Variants in NAV2 observed in about 807,000 individuals in gnomAD.
NAV2 encodes the protein helicase, APC down-regulated 1.
In NAV2, 54 loss-of-function variants were observed where a neutral mutation model predicts 223.2. The observed-to-expected ratio is 0.24, with a 90% confidence interval of 0.19 to 0.30. NAV2 has a LOEUF of 0.30. NAV2 is among the 10% of genes least tolerant of loss of function. The probability of loss-of-function intolerance (pLI) is 1.00; values close to 1 mark genes in which losing one functional copy is unlikely to be tolerated. For missense variants in NAV2, 2,806 were observed against 3,147.5 expected, an observed-to-expected ratio of 0.89 and a Z score of 2.60; for synonymous variants, 1,279 against 1,239.3, an observed-to-expected ratio of 1.03 and a Z score of -0.67.
intron 1 of NAV2, among the ~76,000 whole-genome samples, chr11:19,815,500 A>G (rs1419092859): frequency 6.6e-6 from 1 of 152,252 alleles, no homozygotes; most frequent in East Asian, 1.9e-4. Flanking sequence ...CACATCTTAT[A>G]TGCCTGCATG....
At chr11:19,869,340 G>A (rs911981312) in intron 4 of NAV2, among the ~76,000 whole-genome samples, 2 of 152,200 alleles carry the variant, frequency 1.3e-5, no homozygotes, top group Non-Finnish European at 2.9e-5. Context: ...GAGAGAGCAT[G>A]CTTCACCACA....
chr11:19,997,302 C>T (rs1223551499), intron 11 of NAV2, among the ~76,000 whole-genome samples: 1 of 152,124 alleles, frequency 6.6e-6, no homozygotes, highest in Non-Finnish European at 1.5e-5. Context: ...GGTGGGCCTC[C>T]AGGGCCCCTC....
At chr11:19,645,815 C>T (rs1188429330) in intron 1 of NAV2, among the ~76,000 whole-genome samples, 1 of 152,032 alleles carries the variant, frequency 6.6e-6, no homozygotes, top group Non-Finnish European at 1.5e-5. Context: ...TAATTATCAC[C>T]ACAACGCTGG....
chr11:19,680,225 C>T (rs180781781), intron 1 of NAV2, among the ~76,000 whole-genome samples: 2 of 152,218 alleles, frequency 1.3e-5, no homozygotes, highest in East Asian at 1.9e-4. Flanking sequence ...CATCCCCCAC[C>T]CCCCTCTTTA....
intron 5 of NAV2, among the ~76,000 whole-genome samples, chr11:19,889,772 A>T (rs1014262522): frequency 6.6e-6 from 1 of 152,210 alleles, no homozygotes; most frequent in Admixed American, 6.5e-5. Context: ...GAGCCCACAG[A>T]TACCCCAAGT....
chr11:19,418,346 A>C (rs1005522078), intron 1 of NAV2, among the ~76,000 whole-genome samples: 9 of 152,176 alleles, frequency 5.9e-5, no homozygotes, highest in Admixed American at 5.9e-4. Context: ...CTAGACACTG[A>C]GAGAAGAATT....
In NAV2 at chr11:19,948,780, C is replaced by T. The variant is rs769043651; in HGVS notation, c.2345C>T (p.Ser782Phe). The change falls in exon 10 of 38, where the codon TCC becomes TTC. Residue 782 changes from serine to phenylalanine, a missense_variant. By Grantham distance (155) the Ser-to-Phe change is radical (BLOSUM62 -2). Coordinates refer to ENST00000349880, the MANE Select transcript of NAV2 (RefSeq NM_145117.5). ...LSLTGRPTPL[S>F]WRLGQSSPRL... ...TTGACAGGGAGGCCCACACCTCTGT[C>T]CTGGAGACTGGGCCAGTCCAGCCCT... 1.2e-6 allele frequency: 2 copies of T among 1,613,938 alleles called. No individual in the cohort carries two copies. Among genetic ancestry groups the T allele is most frequent in the African/African-American group, 1.3e-5 (1 of 74,886 alleles).
chr11:19,907,524 T>TG (rs375268258), intron 6 of NAV2, among the ~76,000 whole-genome samples: 1,795 of 151,368 alleles, frequency 0.012, 30 homozygotes, highest in African/African-American at 0.041. Context: ...CTGCCACTCA[T>TG]AGGGGGAGGG....
chr11:19,862,788 G>A (rs2061867781), intron 3 of NAV2, among the ~76,000 whole-genome samples: 2 of 152,172 alleles, frequency 1.3e-5, no homozygotes, highest in Admixed American at 6.5e-5. Context: ...AAGAAGGTGG[G>A]TAAATCGTGC....
At chr11:19,739,700 G>A (rs986806311) in intron 1 of NAV2, among the ~76,000 whole-genome samples, 2 of 152,122 alleles carry the variant, frequency 1.3e-5, no homozygotes, top group African/African-American at 4.8e-5. Context: ...TGGCCCCTAT[G>A]GGAATTTGAG....
At chr11:19,693,019 C>A (rs536779969) in intron 1 of NAV2, among the ~76,000 whole-genome samples, 1 of 152,378 alleles carries the variant, frequency 6.6e-6, no homozygotes, top group African/African-American at 2.4e-5. Context: ...CTGACCAAGA[C>A]CTTCTCTCCA....
At chr11:19,452,879 C>T (rs1564947678) in intron 1 of NAV2, among the ~76,000 whole-genome samples, 1 of 152,132 alleles carries the variant, frequency 6.6e-6, no homozygotes, top group African/African-American at 2.4e-5. Context: ...TTCATAATAA[C>T]AATAAGATAG....
intron 26 of NAV2, among the ~76,000 whole-genome samples, chr11:20,085,467 TAC>T (rs1350411548): frequency 6.6e-6 from 1 of 152,156 alleles, no homozygotes; most frequent in Non-Finnish European, 1.5e-5. Flanking sequence ...AGTGCTGAGA[TAC>T]AGAGTACCTT....
Position 19,818,231 on chromosome 11 carries a change from ATTTT to A in NAV2, c.268-14225_268-14222del, listed in dbSNP as rs34649376. Among the ~76,000 whole-genome samples the A allele has an allele frequency of 7.0e-3, 394 of 55,994 alleles. 2 individuals are homozygous for A. The highest frequency in any genetic ancestry group is 0.044 in the Middle Eastern group (3 of 68). 36.7% of individuals were successfully genotyped at this position (55,994 alleles called of 152,430 possible). On this transcript the variant is annotated intron_variant, in intron 1 of 37. Transcript: ENST00000349880. ...CTGTCCCACCTGTGTGTATTTAGTG[ATTTT>A]TTTTTTTTTTTTTTTTTTTTTTTTT...
intron 1 of NAV2, among the ~76,000 whole-genome samples, chr11:19,532,577 C>T (rs1417376533): frequency 1.3e-5 from 2 of 152,060 alleles, no homozygotes; most frequent in African/African-American, 4.8e-5. Context: ...CATAAACGGC[C>T]ATGTATTATG....
At chr11:19,692,382 T>C (rs1028566085) in intron 1 of NAV2, among the ~76,000 whole-genome samples, 22 of 152,260 alleles carry the variant, frequency 1.4e-4, no homozygotes, top group African/African-American at 5.3e-4. Context: ...TTTTGCTTGC[T>C]TGTGTCTGGG....
At position 19,957,244 on chromosome 11, in the gene NAV2, G is replaced by A. The variant is rs527632550; in HGVS notation, c.2645+8164G>A. ...TCTAGGGTTCTTTTTGTGCCTCTCT[G>A]CTTCCCTCAGTGTCTACTTGCTGAC... On this transcript the variant is annotated intron_variant, in intron 10 of 37. Coordinates refer to ENST00000349880, the MANE Select transcript of NAV2 (RefSeq NM_145117.5). Among the ~76,000 whole-genome samples the A allele has an allele frequency of 3.9e-5, 6 of 152,344 alleles. No individual in the cohort carries two copies. In the East Asian group the frequency reaches 1.2e-3, roughly 29 times the overall value.
At chr11:19,364,229 T>C (rs1263615100) in intron 1 of NAV2, among the ~76,000 whole-genome samples, 1 of 152,178 alleles carries the variant, frequency 6.6e-6, no homozygotes, top group Non-Finnish European at 1.5e-5. Flanking sequence ...GGTGCTCCTT[T>C]CACTCCTATC....
At chr11:19,628,433 A>G (rs184953762) in intron 1 of NAV2, among the ~76,000 whole-genome samples, 1 of 152,254 alleles carries the variant, frequency 6.6e-6, no homozygotes, top group Non-Finnish European at 1.5e-5. Context: ...ATCAGGGCAC[A>G]CTCGTACAGA....
Sources: gnomAD v4.1 joint callset for allele counts (sites outside exome capture counted in the v4.1 genomes callset) on GRCh38, gnomAD v4.1.1 for gene constraint, MANE v1.5 for transcripts, NCBI Gene and HGNC (gene_info 2026-07-23, HGNC 2026-07-21) for gene names.